The following SGMS1 variants were observed in gnomAD, a reference collection of about 807,000 sequenced individuals.
SGMS1 encodes the protein phosphatidylcholine:ceramide cholinephosphotransferase 1.
Under a neutral mutation model 46.2 loss-of-function variants are expected in SGMS1, and 13 were observed. The observed-to-expected ratio is 0.28, with a 90% CI of 0.18 to 0.45. The LOEUF is 0.45. Ranked by LOEUF, SGMS1 falls within the 20% of genes least tolerant of loss-of-function variation. The probability of loss-of-function intolerance (pLI) is 1.00; values close to 1 mark genes in which losing one functional copy is unlikely to be tolerated. For missense variants in SGMS1, 324 were observed against 519.9 expected, an observed-to-expected ratio of 0.62 and a Z score of 3.66; for synonymous variants, 203 against 187.8, an observed-to-expected ratio of 1.08 and a Z score of -0.66.
intron 3 of SGMS1, among the ~76,000 whole-genome samples, chr10:50,496,401 A>G (rs1240487957): frequency 6.6e-6 from 1 of 152,194 alleles, no homozygotes; most frequent in Non-Finnish European, 1.5e-5. Context: ...ATCAGTGAAC[A>G]TCAACATACA....
intron 8 of SGMS1, among the ~76,000 whole-genome samples, chr10:50,326,103 T>C (rs1343886182): frequency 6.6e-6 from 1 of 152,074 alleles, no homozygotes; most frequent in East Asian, 1.9e-4. Context: ...AGAACATTGC[T>C]TTTGTATGAC....
intron 1 of SGMS1, among the ~76,000 whole-genome samples, chr10:50,622,175 C>T (rs889206695): frequency 3.3e-5 from 5 of 152,232 alleles, no homozygotes; most frequent in African/African-American, 7.2e-5. Context: ...CCAAACATCC[C>T]TGGGCTTCCC....
chr10:50,456,211 T>C (rs1057080870), intron 5 of SGMS1, among the ~76,000 whole-genome samples: 1 of 151,938 alleles, frequency 6.6e-6, no homozygotes, highest in Non-Finnish European at 1.5e-5. Context: ...TCAGCAAAAA[T>C]TTGTGGAAAT....
At chr10:50,490,791 C>T (rs921286288) in intron 3 of SGMS1, among the ~76,000 whole-genome samples, 1 of 152,076 alleles carries the variant, frequency 6.6e-6, no homozygotes, top group Non-Finnish European at 1.5e-5. Flanking sequence ...AGTGACTGAA[C>T]ACATGTTAGC....
In SGMS1 at chr10:50,449,543, G is replaced by C. The variant is rs377696056; in HGVS notation, c.-313+11130C>G. ...CTCTTTCCTAGGATGGTCTTGCCCCGATACAGCAGGCTCACCCCTCCACTT... is the reference window on the plus strand; with the variant it reads ...CTCTTTCCTAGGATGGTCTTGCCCCCATACAGCAGGCTCACCCCTCCACTT... On this transcript the variant is annotated intron_variant, in intron 5 of 10. Transcript: ENST00000361781. Among the ~76,000 whole-genome samples, 9 of 152,232 alleles carry C rather than the reference G, an allele frequency of 5.9e-5. 1 individual carries two copies. Among genetic ancestry groups the C allele is most frequent in the Admixed American group, 6.5e-5 (1 of 15,294 alleles).
intron 3 of SGMS1, among the ~76,000 whole-genome samples, chr10:50,477,624 A>G (rs989010288): frequency 6.6e-6 from 1 of 152,166 alleles, no homozygotes; most frequent in African/African-American, 2.4e-5. Context: ...CTCATGCTGA[A>G]TTTTAATTCC....
intron 2 of SGMS1, among the ~76,000 whole-genome samples, chr10:50,545,211 A>G (rs553500054): frequency 5.4e-4 from 83 of 152,304 alleles, no homozygotes; most frequent in Non-Finnish European, 1.0e-3. Context: ...TAAGGTTCCT[A>G]GTGTCACAGA....
At chr10:50,546,380 C>G (rs1489469738) in intron 2 of SGMS1, among the ~76,000 whole-genome samples, 2 of 151,922 alleles carry the variant, frequency 1.3e-5, no homozygotes, top group Non-Finnish European at 2.9e-5. Context: ...GGGTATATAC[C>G]CAAAGGATTA....
At chr10:50,416,215 G>A (rs1053113190) in intron 6 of SGMS1, among the ~76,000 whole-genome samples, 22 of 152,150 alleles carry the variant, frequency 1.4e-4, no homozygotes, top group African/African-American at 4.8e-4. Flanking sequence ...CACCATTTTA[G>A]GAGCAATTGG....
intron 2 of SGMS1, among the ~76,000 whole-genome samples, chr10:50,584,872 T>A (rs1247392527): frequency 6.6e-6 from 1 of 152,190 alleles, no homozygotes; most frequent in African/African-American, 2.4e-5. Context: ...AAGAAGGCAA[T>A]GATGCAGACA....
At chr10:50,613,206 A>G (rs977707938) in intron 1 of SGMS1, among the ~76,000 whole-genome samples, 2 of 152,214 alleles carry the variant, frequency 1.3e-5, no homozygotes, top group African/African-American at 4.8e-5. Context: ...TATGGTATGG[A>G]TTCCCTTCTG....
At chr10:50,602,446 A>T (rs1838657713) in intron 1 of SGMS1, among the ~76,000 whole-genome samples, 1 of 152,230 alleles carries the variant, frequency 6.6e-6, no homozygotes, top group African/African-American at 2.4e-5. Context: ...GGCTGAACCA[A>T]GCATGATACT....
At chr10:50,440,090 C>T (rs374600956) in intron 5 of SGMS1, among the ~76,000 whole-genome samples, 8 of 152,248 alleles carry the variant, frequency 5.3e-5, no homozygotes, top group African/African-American at 1.7e-4. Flanking sequence ...ATTAGGAATG[C>T]AGACCACAGC....
intron 6 of SGMS1, among the ~76,000 whole-genome samples, chr10:50,399,359 T>C (rs943392029): frequency 2.0e-5 from 3 of 152,122 alleles, no homozygotes; most frequent in South Asian, 2.1e-4. Context: ...GAAAATAATA[T>C]AGAATATGCA....
At chr10:50,420,348 A>C (rs1849238832) in intron 6 of SGMS1, among the ~76,000 whole-genome samples, 1 of 152,216 alleles carries the variant, frequency 6.6e-6, no homozygotes, top group Non-Finnish European at 1.5e-5. Flanking sequence ...TTCCTGGTTC[A>C]GGCATTCGTC....
chr10:50,438,948 C>T (rs189173196), intron 5 of SGMS1, among the ~76,000 whole-genome samples: 71 of 152,262 alleles, frequency 4.7e-4, no homozygotes, highest in African/African-American at 1.6e-3. Flanking sequence ...ACTCAACATG[C>T]GAAACATGAC....
intron 2 of SGMS1, among the ~76,000 whole-genome samples, chr10:50,575,123 G>A (rs1245835072): frequency 2.0e-5 from 3 of 151,720 alleles, no homozygotes; most frequent in African/African-American, 7.3e-5. Flanking sequence ...GAACGGGGGT[G>A]GATATGGGCA....
chr10:50,561,942 A>G (rs940006350), intron 2 of SGMS1, among the ~76,000 whole-genome samples: 2 of 152,042 alleles, frequency 1.3e-5, no homozygotes, highest in African/African-American at 4.8e-5. Context: ...AGGGGTTGCA[A>G]TGACATCTCC....
At chr10:50,527,063 CAAA>C (rs573386594) in intron 2 of SGMS1, among the ~76,000 whole-genome samples, 4 of 90,754 alleles carry the variant, frequency 4.4e-5, no homozygotes, top group African/African-American at 5.5e-5. Flanking sequence ...GACTCTGTCT[CAAA>C]AAAAAAAAAA....
Sources: allele counts gnomAD v4.1 joint callset (sites outside exome capture counted in the v4.1 genomes callset), GRCh38; gene constraint gnomAD v4.1.1; transcripts MANE v1.5; gene names NCBI Gene and HGNC (gene_info 2026-07-23, HGNC 2026-07-21).